Variants in RORA observed in about 807,000 individuals in gnomAD.
RORA encodes the protein nuclear receptor ROR-alpha.
In RORA, 7 loss-of-function variants were observed where a neutral mutation model predicts 69.5. The ratio of observed to expected loss-of-function variants is 0.10; its 90% CI spans 0.06 to 0.19. The LOEUF is 0.19. RORA is among the 10% of genes least tolerant of loss of function. RORA has a pLI of 1.00. For synonymous variants in RORA, 261 were observed against 240.8 expected, an observed-to-expected ratio of 1.08 and a Z score of -0.78; for missense variants, 457 against 663.0, an observed-to-expected ratio of 0.69 and a Z score of 3.41.
intron 2 of RORA, among the ~76,000 whole-genome samples, chr15:60,598,718 T>C (rs1284903712): frequency 6.6e-6 from 1 of 152,238 alleles, no homozygotes; most frequent in Non-Finnish European, 1.5e-5. Context: ...GCAGATTTTT[T>C]ACTACAAGGG....
chr15:60,826,764 T>TCC (rs577519207), intron 1 of RORA, among the ~76,000 whole-genome samples: 2 of 126,028 alleles, frequency 1.6e-5, no homozygotes, highest in Non-Finnish European at 1.7e-5. Flanking sequence ...TCTCTCTCTC[T>TCC]CCCTCTCTCT....
intron 1 of RORA, among the ~76,000 whole-genome samples, chr15:61,183,267 G>A (rs1008845325): frequency 6.6e-6 from 1 of 152,228 alleles, no homozygotes; most frequent in Non-Finnish European, 1.5e-5. Context: ...CAGGCATGGT[G>A]GCTCACGCTT....
At chr15:60,607,260 T>C (rs1355917143) in intron 2 of RORA, among the ~76,000 whole-genome samples, 1 of 152,154 alleles carries the variant, frequency 6.6e-6, no homozygotes, top group Non-Finnish European at 1.5e-5. Flanking sequence ...CCATAATAAT[T>C]AATGGTTATA....
intron 1 of RORA, among the ~76,000 whole-genome samples, chr15:61,196,399 T>C (rs2079845772): frequency 1.3e-5 from 2 of 152,180 alleles, no homozygotes; most frequent in Non-Finnish European, 2.9e-5. Flanking sequence ...AAAGCCTCCT[T>C]CTCCAGCATT....
chr15:61,054,840 T>C (rs79868681), intron 1 of RORA, among the ~76,000 whole-genome samples: 2 of 145,672 alleles, frequency 1.4e-5, no homozygotes, highest in Admixed American at 6.8e-5. Flanking sequence ...TTTTTTTTTT[T>C]GGTGGGGGAG....
chr15:60,724,313 T>C (rs2140828664), intron 1 of RORA, among the ~76,000 whole-genome samples: 1 of 152,338 alleles, frequency 6.6e-6, no homozygotes, highest in East Asian at 1.9e-4. Context: ...GCACTTTACA[T>C]GTATTTTCTT....
intron 1 of RORA, among the ~76,000 whole-genome samples, chr15:61,009,664 C>A (rs1895028540): frequency 6.6e-6 from 1 of 152,170 alleles, no homozygotes; most frequent in African/African-American, 2.4e-5. Flanking sequence ...GAACTACAAT[C>A]CACAGAATCA....
At chr15:60,914,671 T>C (rs776852100) in intron 1 of RORA, among the ~76,000 whole-genome samples, 3 of 152,222 alleles carry the variant, frequency 2.0e-5, no homozygotes, top group Non-Finnish European at 4.4e-5. Context: ...GAATAAATTT[T>C]CTATTGAACA....
chr15:60,596,280 G>T (rs887968537), intron 2 of RORA, among the ~76,000 whole-genome samples: 8 of 152,012 alleles, frequency 5.3e-5, no homozygotes, highest in Admixed American at 5.2e-4. Flanking sequence ...CAGCATTTTG[G>T]TTTTGTCTCA....
intron 1 of RORA, among the ~76,000 whole-genome samples, chr15:61,090,369 T>C (rs1014160616): frequency 6.6e-6 from 1 of 152,200 alleles, no homozygotes; most frequent in Non-Finnish European, 1.5e-5. Flanking sequence ...TCTGTGAATA[T>C]GAATGAGGCA....
chr15:61,135,064 C>T (rs1596017211), intron 1 of RORA, among the ~76,000 whole-genome samples: 2 of 149,550 alleles, frequency 1.3e-5, no homozygotes, highest in African/African-American at 5.0e-5. Context: ...TCCCAGCACT[C>T]TGGGAGGCTA....
At position 60,515,994 on chromosome 15, in the gene RORA, TA is replaced by T. The variant is rs2065880472; in HGVS notation, c.283-1238del. Among the ~76,000 whole-genome samples, 3 of 2,276 alleles carry T rather than the reference TA, an allele frequency of 1.3e-3. 1 individual carries two copies. In the East Asian group the frequency reaches 0.025, roughly 19 times the overall value. 1.5% of individuals were successfully genotyped at this position (2,276 alleles called of 152,430 possible). On this transcript the variant is annotated intron_variant, in intron 3 of 10. Coordinates refer to ENST00000335670, the MANE Select transcript of RORA (RefSeq NM_134261.3). ...ATATTTATATATTTATATATATTTA[TA>T]TATATTTATATATATTTATATATAT...
At chr15:61,062,051 A>C (rs1171529191) in intron 1 of RORA, among the ~76,000 whole-genome samples, 1 of 152,182 alleles carries the variant, frequency 6.6e-6, no homozygotes, top group Non-Finnish European at 1.5e-5. Context: ...CCAGAGAACA[A>C]GACTCCGTCT....
At chr15:60,725,723 T>C (rs958489153) in intron 1 of RORA, among the ~76,000 whole-genome samples, 1 of 152,214 alleles carries the variant, frequency 6.6e-6, no homozygotes, top group African/African-American at 2.4e-5. Context: ...CATTGTGACT[T>C]GTGCCTTTCG....
rs1190416792 is a variant in RORA, at chr15:61,147,182, G to A, written c.166+81871C>T. On this transcript the variant is annotated intron_variant, in intron 1 of 10. Transcript: ENST00000335670. This position sits in a 1 kb window ranked among gnomAD's most constrained non-coding sequence, Gnocchi z 4.1. The stretch of plus-strand genomic sequence containing the variant: ...TTTATTCCCCAGAACCTTTGCATGC[G>A]TCAACCACTAGTCATGCCTTGAACC... Among the ~76,000 whole-genome samples the A allele has an allele frequency of 2.0e-5, 3 of 152,084 alleles. No individual in the cohort carries two copies. Among genetic ancestry groups the A allele is most frequent in the Non-Finnish European group, 4.4e-5 (3 of 68,020 alleles).
intron 1 of RORA, among the ~76,000 whole-genome samples, chr15:61,076,648 T>A (rs1215156887): frequency 6.6e-6 from 1 of 152,240 alleles, no homozygotes; most frequent in African/African-American, 2.4e-5. Context: ...CTTTTTAATT[T>A]TCAGTGATAC....
At chr15:60,655,710 C>T (rs1306326239) in intron 2 of RORA, among the ~76,000 whole-genome samples, 2 of 152,092 alleles carry the variant, frequency 1.3e-5, no homozygotes, top group Non-Finnish European at 2.9e-5. Flanking sequence ...TCGGATTTTA[C>T]TCATACCTGC....
chr15:60,727,856 A>T (rs543341149), intron 1 of RORA, among the ~76,000 whole-genome samples: 1 of 152,200 alleles, frequency 6.6e-6, no homozygotes, highest in South Asian at 2.1e-4. Flanking sequence ...GTTCACGGGC[A>T]CTCACTCCTG....
intron 1 of RORA, among the ~76,000 whole-genome samples, chr15:61,055,397 T>C (rs996780683): frequency 3.3e-5 from 5 of 152,182 alleles, no homozygotes. Flanking sequence ...AATTAATATT[T>C]ATTTTTTGGC....
Sources: allele counts gnomAD v4.1 joint callset (sites outside exome capture counted in the v4.1 genomes callset), GRCh38; gene constraint gnomAD v4.1.1; non-coding constraint Gnocchi (gnomAD v3.1); transcripts MANE v1.5; gene names NCBI Gene and HGNC (gene_info 2026-07-23, HGNC 2026-07-21).